Variants in PLEKHG3 observed in about 807,000 individuals in gnomAD.
The protein encoded by PLEKHG3 is pleckstrin homology domain-containing family G member 3.
In PLEKHG3, 62 loss-of-function variants were observed where a neutral mutation model predicts 94.9. The observed-to-expected ratio is 0.65, with a 90% CI of 0.53 to 0.81. The LOEUF is 0.81. Among genes scored for constraint, PLEKHG3 ranks in the 30% least tolerant of loss-of-function variants. The pLI is 0.00. For synonymous variants in PLEKHG3, 614 were observed against 654.0 expected, an observed-to-expected ratio of 0.94 and a Z score of 0.93; for missense variants, 1,461 against 1,619.3, an observed-to-expected ratio of 0.90 and a Z score of 1.68.
intron 1 of PLEKHG3, among the ~76,000 whole-genome samples, chr14:64,708,313 CCTCCCGACTCTGCCTCA>C (rs1201945226): frequency 2.6e-5 from 4 of 152,168 alleles, no homozygotes; most frequent in Non-Finnish European, 4.4e-5. Context: ...TTCTCCCTGA[CCTCCCGACTCTGCCTCA>C]CAGCTGGGAA....
intron 15 of PLEKHG3, 111 bp from the exon 16 acceptor site, chr14:64,740,924 TA>T: frequency 1.2e-6 from 1 of 860,978 alleles, no homozygotes; most frequent in Non-Finnish European, 1.8e-6. Flanking sequence ...CCTTGAGTCC[TA>T]AACTACAGGT....
intron 12 of PLEKHG3, among the ~76,000 whole-genome samples, chr14:64,733,192 T>G (rs1594697113): frequency 7.0e-6 from 1 of 143,444 alleles, no homozygotes; most frequent in African/African-American, 2.6e-5. Flanking sequence ...AGAGATGGAG[T>G]CTTGCTCTGT....
At position 64,750,072 on chromosome 14, in the gene PLEKHG3, G is replaced by T; in HGVS notation, c.*6369G>T. The T allele has an allele frequency of 6.2e-7, 1 of 1,614,164 alleles. No homozygotes were observed. The highest frequency in any genetic ancestry group is 8.5e-7 in the Non-Finnish European group (1 of 1,180,030). ...GCCAGGGGTTCCTCCCCATGGTAGG[G>T]CATCCCCAGGGCCAGGTTCTTGGCA... On this transcript the variant is annotated 3_prime_UTR_variant, in exon 17 of 17. Transcript: ENST00000247226.
rs1455026262 is a variant in PLEKHG3, at chr14:64,738,793, G to A, written c.1456G>A (p.Gly486Ser). The change falls in exon 15 of 17, where the codon GGC (glycine) becomes AGC (serine). Residue 486 changes from glycine to serine, a missense_variant. Around this residue, in one of 3 missense-constraint regions of PLEKHG3, gnomAD observed 1,201 missense variants for 1,295.5 expected, o/e 0.93. Transcript: ENST00000247226. The surrounding 1 kb of genome is among the most constrained non-coding windows in gnomAD (Gnocchi z 4.8). ...CTCCAGGAGCAGCAGAAGGCCCAGTGGCCGGTCTCCAACCAGTACTGAGAA... is the reference window on the plus strand; with the variant it reads ...CTCCAGGAGCAGCAGAAGGCCCAGTAGCCGGTCTCCAACCAGTACTGAGAA... ...ESSRSSRRPS[G>S]RSPTSTEKRM... 1 of 1,600,886 alleles carries A rather than the reference G, an allele frequency of 6.2e-7. No homozygotes were observed.
At chr14:64,710,735 C>G (rs977113505) in intron 1 of PLEKHG3, among the ~76,000 whole-genome samples, 2 of 151,370 alleles carry the variant, frequency 1.3e-5, no homozygotes, top group East Asian at 1.9e-4. Flanking sequence ...GGAAAAATGA[C>G]TACAGTGCAG....
intron 1 of PLEKHG3, among the ~76,000 whole-genome samples, chr14:64,705,551 G>T (rs1051105967): frequency 6.6e-6 from 1 of 152,166 alleles, no homozygotes; most frequent in African/African-American, 2.4e-5. Flanking sequence ...TGCTCTGGGG[G>T]CCCCAGCAGG....
intron 1 of PLEKHG3, among the ~76,000 whole-genome samples, chr14:64,724,118 C>T (rs372097485): frequency 2.0e-5 from 3 of 151,638 alleles, no homozygotes; most frequent in African/African-American, 7.3e-5. Flanking sequence ...AGGCTGACCC[C>T]GCCCGGGGAG....
rs140100506 is a variant in PLEKHG3 at position 64,734,227 on chromosome 14, A to G, written c.1345+1326A>G. ...CAAAAGTTTTATGGTTTTTATAGTTAAAAGCTCCAAATAGGGGTGTTGCTT... is the reference window on the plus strand; with the variant it reads ...CAAAAGTTTTATGGTTTTTATAGTTGAAAGCTCCAAATAGGGGTGTTGCTT... On this transcript the variant is annotated intron_variant, in intron 12 of 16. Coordinates refer to ENST00000247226, the MANE Select transcript of PLEKHG3 (RefSeq NM_001308147.2). 2.6e-3 allele frequency among the ~76,000 whole-genome samples: 396 copies of G among 152,242 alleles called. 1 individual carries two copies. Among genetic ancestry groups the G allele is most frequent in the Admixed American group, 4.0e-3 (61 of 15,288 alleles).
At chr14:64,736,326 G>A (rs759544774) in intron 12 of PLEKHG3, among the ~76,000 whole-genome samples, 25 of 152,256 alleles carry the variant, frequency 1.6e-4, no homozygotes, top group Admixed American at 5.2e-4. Context: ...TCTCCCCAGC[G>A]GTCAGCGAGG....
In PLEKHG3 at chr14:64,742,418, T is replaced by C; in HGVS notation, c.2901T>C (p.Cys967=). The change falls in exon 16 of 17, where the codon TGT becomes TGC. Residue 967 remains cysteine (C), a synonymous_variant. Coordinates refer to ENST00000247226, the MANE Select transcript of PLEKHG3 (RefSeq NM_001308147.2). ...ATGGGAAGAGCCCCACTGTGCCCTG[T>C]CTACAGGAAGAGGCTGGAGAGCCAT... ...ERDGKSPTVP[C]LQEEAGEPLG... The C allele has an allele frequency of 3.7e-6, 6 of 1,612,090 alleles. No homozygotes were observed. Among genetic ancestry groups the C allele is most frequent in the Non-Finnish European group, 5.1e-6 (6 of 1,179,624 alleles).
chr14:64,712,842 T>C (rs2081082939), intron 1 of PLEKHG3, among the ~76,000 whole-genome samples: 1 of 152,214 alleles, frequency 6.6e-6, no homozygotes. Flanking sequence ...GGAACTCCAG[T>C]ATCGAATATA....
rs1398436931 is a variant in PLEKHG3 at position 64,748,825 on chromosome 14, GTCT to G, written c.*5128_*5130del. 2.4e-5 allele frequency: 4 copies of G among 168,524 alleles called. No individual in the cohort carries two copies. The highest frequency in any genetic ancestry group is 5.0e-5 in the Non-Finnish European group (4 of 79,826). The allele number at this position is 168,524 out of a possible 1,614,324, so 10.4% of individuals were successfully genotyped here. ...AGGGGGCTGGCCATGCATTTCCAGT[GTCT>G]TCTTCCTTTCCCCTTTCCCTGGCTG... On this transcript the variant is annotated 3_prime_UTR_variant, in exon 17 of 17. Transcript: ENST00000247226.
chr14:64,741,198 GT>G lies in PLEKHG3; in HGVS notation c.1682del (p.Val561GlyfsTer15). The G allele has an allele frequency of 6.2e-7, 1 of 1,614,104 alleles. No individual in the cohort carries two copies. The highest frequency in any genetic ancestry group is 8.5e-7 in the Non-Finnish European group (1 of 1,179,998). On this transcript the variant is annotated frameshift_variant, in exon 16 of 17. Coordinates refer to ENST00000247226, the MANE Select transcript of PLEKHG3 (RefSeq NM_001308147.2). LOFTEE classifies it high-confidence loss of function. ...LLGMDPPGDM[V>X]DFVAAESTED... ...GGGGATGGACCCCCCAGGTGACATG[GT>G]GGACTTCGTGGCAGCTGAGAGCACT...
Position 64,748,971 on chromosome 14 carries a change from C to G in PLEKHG3, c.*5268C>G, listed in dbSNP as rs1162812674. Reference sequence around the variant, plus strand: ...TTTTTTTTTGGTTGGGGGTAAGGGGCCTGTGCCCCCTCGGCTCAGGAGGAG... The same window carrying G: ...TTTTTTTTTGGTTGGGGGTAAGGGGGCTGTGCCCCCTCGGCTCAGGAGGAG... On this transcript the variant is annotated 3_prime_UTR_variant, in exon 17 of 17. Transcript: ENST00000247226. 1.4e-5 allele frequency: 3 copies of G among 217,670 alleles called. No homozygotes were observed. Among genetic ancestry groups the G allele is most frequent in the Non-Finnish European group, 2.7e-5 (3 of 112,360 alleles). 13.5% of individuals were successfully genotyped at this position (217,670 alleles called of 1,614,324 possible). A position where few individuals can be genotyped will look rare whatever the true frequency, so the allele number is the denominator to read the frequency against.
chr14:64,734,302 TCTC>T (rs2081529518), intron 12 of PLEKHG3, among the ~76,000 whole-genome samples: 1 of 152,168 alleles, frequency 6.6e-6, no homozygotes, highest in South Asian at 2.1e-4. Flanking sequence ...TTTCTTTTCT[TCTC>T]CTGTAATTCT....
At position 64,741,487 on chromosome 14, in the gene PLEKHG3, C is replaced by A. The variant is rs756863845; in HGVS notation, c.1970C>A (p.Ala657Asp). 1 of 1,612,750 alleles carries A rather than the reference C, an allele frequency of 6.2e-7. No homozygotes were observed. Among genetic ancestry groups the A allele is most frequent in the East Asian group, 2.2e-5 (1 of 44,864 alleles). Residue 657 changes from alanine to aspartate, a missense_variant, in exon 16 of 17, where the codon GCC (alanine) becomes GAC (aspartate). Transcript: ENST00000247226. Reference protein sequence around the residue: ...SEKGLARHGSATDSLSCQLSP... With the variant: ...SEKGLARHGSDTDSLSCQLSP... ...AAGGGCCTGGCCCGGCATGGCAGTGCCACAGACTCCCTCAGCTGTCAGCTC... is the reference window on the plus strand; with the variant it reads ...AAGGGCCTGGCCCGGCATGGCAGTGACACAGACTCCCTCAGCTGTCAGCTC...
rs1165816293 is a variant in PLEKHG3, at chr14:64,732,933, C to T, written c.1345+32C>T. 7.4e-7 allele frequency: 1 copy of T among 1,353,516 alleles called. No individual in the cohort carries two copies. The highest frequency in any genetic ancestry group is 1.2e-5 in the South Asian group (1 of 81,444). 83.8% of individuals were successfully genotyped at this position (1,353,516 alleles called of 1,614,324 possible). A position where few individuals can be genotyped will look rare whatever the true frequency, so the allele number is the denominator to read the frequency against. On this transcript the variant is annotated intron_variant, in intron 12 of 16. Transcript: ENST00000247226. This position sits in a 1 kb window ranked among gnomAD's most constrained non-coding sequence, Gnocchi z 4.9. ...GAAGGGCTGTGGAGGCAGGAGGCCT[C>T]TCCCTCACACCCTTGCCCAGACTGG...
At position 64,741,187 on chromosome 14, in the gene PLEKHG3, C is replaced by G; in HGVS notation, c.1670C>G (p.Pro557Arg). The change falls in exon 16 of 17, where the codon CCA (proline) becomes CGA (arginine). Residue 557 changes from proline (P) to arginine (R), a missense_variant. Physicochemically the swap from Pro to Arg is moderately radical, Grantham distance 103. This residue lies in a region of PLEKHG3 where 1,201 missense variants were observed against 1,295.5 expected (regional missense o/e 0.93). Coordinates refer to ENST00000247226, the MANE Select transcript of PLEKHG3 (RefSeq NM_001308147.2). ...AHQGLLGMDP[P>R]GDMVDFVAAE... ...CAGGGCCTTCTGGGGATGGACCCCCCAGGTGACATGGTGGACTTCGTGGCA... is the reference window on the plus strand; with the variant it reads ...CAGGGCCTTCTGGGGATGGACCCCCGAGGTGACATGGTGGACTTCGTGGCA... The G allele has an allele frequency of 6.2e-7, 1 of 1,614,142 alleles. No individual in the cohort carries two copies. Among genetic ancestry groups the G allele is most frequent in the Non-Finnish European group, 8.5e-7 (1 of 1,180,030 alleles).
In PLEKHG3 at chr14:64,709,266, A is replaced by T. The variant is rs117432202; in HGVS notation, c.-40+4562A>T. 1.1e-4 allele frequency among the ~76,000 whole-genome samples: 17 copies of T among 152,268 alleles called. No homozygotes were observed. In the East Asian group the frequency reaches 3.3e-3, roughly 29 times the overall value. ...ATCTGGGCTTGTGGTCTCATTTGCT[A>T]CAGCTTTTGTTCCATGGGATTAGGG... is the stretch of plus-strand genomic sequence containing the variant. On this transcript the variant is annotated intron_variant, in intron 1 of 16. Coordinates refer to ENST00000247226, the MANE Select transcript of PLEKHG3 (RefSeq NM_001308147.2).
Sources: allele counts gnomAD v4.1 joint callset (sites outside exome capture counted in the v4.1 genomes callset), GRCh38; gene constraint gnomAD v4.1.1; regional missense constraint gnomAD v4.1.1; non-coding constraint Gnocchi (gnomAD v3.1); transcripts MANE v1.5; gene names NCBI Gene and HGNC (gene_info 2026-07-23, HGNC 2026-07-21).